The following RNF152 variants were observed in gnomAD, a reference collection of about 807,000 sequenced individuals.
RNF152 encodes E3 ubiquitin-protein ligase RNF152.
RNF152 carries 11 observed loss-of-function variants against 12.7 expected under a neutral mutation model. The ratio of observed to expected loss-of-function variants is 0.86; its 90% CI spans 0.54 to 1.43. The LOEUF (loss-of-function observed/expected upper bound fraction) is 1.43, where lower values mean the gene tolerates loss of function less well. RNF152 is among the 40% of genes most tolerant of loss of function. The pLI is 0.00. For missense variants in RNF152, 255 were observed against 274.8 expected (o/e 0.93, Z 0.51); for synonymous variants, 113 against 120.3 (o/e 0.94, Z 0.40).
chr18:61,816,056 A>T lies in RNF152; in HGVS notation c.408T>A (p.Pro136=). 1 of 1,614,190 alleles carries T rather than the reference A, an allele frequency of 6.2e-7. No individual in the cohort carries two copies. Among genetic ancestry groups the T allele is most frequent in the Non-Finnish European group, 8.5e-7 (1 of 1,180,028 alleles). ...CACCTTGCAGAGGCTGCTGTTCAGC[A>T]GGGATGGTCACCACGGTGACGGACT... ...QQKSVTVVTI[P]AEQQPLQGGA... The change falls in exon 2 of 2, where the codon CCT becomes CCA. Residue 136 remains proline, a synonymous_variant. Coordinates refer to ENST00000312828, the MANE Select transcript of RNF152 (RefSeq NM_173557.3).
intron 1 of RNF152, among the ~76,000 whole-genome samples, chr18:61,883,484 C>T (rs1427490783): frequency 6.6e-6 from 1 of 152,176 alleles, no homozygotes; most frequent in Non-Finnish European, 1.5e-5. Context: ...GCCCCGCTTG[C>T]TCCTCTCTTG....
intron 1 of RNF152, among the ~76,000 whole-genome samples, chr18:61,831,515 A>T (rs751428046): frequency 1.1e-4 from 17 of 152,176 alleles, no homozygotes; most frequent in Non-Finnish European, 2.5e-4. Context: ...CCATAATAAG[A>T]ATATTCAACT....
At chr18:61,851,555 G>A (rs912914843) in intron 1 of RNF152, among the ~76,000 whole-genome samples, 3 of 152,150 alleles carry the variant, frequency 2.0e-5, no homozygotes, top group African/African-American at 7.2e-5. Flanking sequence ...TTCTACAGAT[G>A]AGGAAATGGA....
intron 1 of RNF152, among the ~76,000 whole-genome samples, chr18:61,829,684 C>G (rs914474165): frequency 6.6e-6 from 1 of 151,846 alleles, no homozygotes; most frequent in African/African-American, 2.4e-5. Context: ...GAGCAGGATG[C>G]GGTCCAAACC....
intron 1 of RNF152, among the ~76,000 whole-genome samples, chr18:61,848,312 A>G (rs1910825057): frequency 6.6e-6 from 1 of 152,194 alleles, no homozygotes; most frequent in Non-Finnish European, 1.5e-5. Context: ...TTTGCAAGAT[A>G]TCAGTGCTTC....
chr18:61,834,674 AGG>A (rs1910099444), intron 1 of RNF152, among the ~76,000 whole-genome samples: 2 of 120,062 alleles, frequency 1.7e-5, no homozygotes, highest in Admixed American at 1.7e-4. Context: ...AACTGAAATT[AGG>A]CCATTTTTAA....
intron 1 of RNF152, among the ~76,000 whole-genome samples, chr18:61,821,061 A>T (rs1483888100): frequency 6.6e-6 from 1 of 152,222 alleles, no homozygotes; most frequent in East Asian, 1.9e-4. Context: ...CTCTGCACTG[A>T]GGCACATATC....
intron 1 of RNF152, among the ~76,000 whole-genome samples, chr18:61,836,995 A>G (rs144114450): frequency 6.6e-6 from 1 of 152,364 alleles, no homozygotes; most frequent in Non-Finnish European, 1.5e-5. Context: ...AAAGAGAGTT[A>G]TCTTTACAGA....
intron 1 of RNF152, among the ~76,000 whole-genome samples, chr18:61,854,958 A>C (rs562928993): frequency 6.6e-6 from 1 of 152,356 alleles, no homozygotes; most frequent in South Asian, 2.1e-4. Flanking sequence ...ACTGTCTCAA[A>C]TGCTACAAAA....
intron 1 of RNF152, among the ~76,000 whole-genome samples, chr18:61,844,709 T>C (rs1011438233): frequency 6.6e-6 from 1 of 152,184 alleles, no homozygotes; most frequent in Non-Finnish European, 1.5e-5. Flanking sequence ...AGTGTAACCA[T>C]AGCACGGGTC....
intron 1 of RNF152, among the ~76,000 whole-genome samples, chr18:61,849,101 G>T (rs73458440): frequency 6.6e-6 from 1 of 152,114 alleles, no homozygotes; most frequent in Non-Finnish European, 1.5e-5. Context: ...GTGTCAACCC[G>T]TACTATGACT....
chr18:61,876,981 G>A (rs1413904925), intron 1 of RNF152, among the ~76,000 whole-genome samples: 2 of 152,172 alleles, frequency 1.3e-5, no homozygotes, highest in East Asian at 3.8e-4. Flanking sequence ...TGTATTTCCT[G>A]GAGACAGGGA....
At chr18:61,865,414 G>T (rs1911681322) in intron 1 of RNF152, among the ~76,000 whole-genome samples, 1 of 152,166 alleles carries the variant, frequency 6.6e-6, no homozygotes, top group Non-Finnish European at 1.5e-5. Flanking sequence ...GAATTTGAAA[G>T]GAGATTGCTT....
chr18:61,867,423 G>C (rs1355293762), intron 1 of RNF152, among the ~76,000 whole-genome samples: 3 of 151,802 alleles, frequency 2.0e-5, no homozygotes, highest in Non-Finnish European at 1.5e-5. Flanking sequence ...TTGCACTCCA[G>C]CCTGGGCGAC....
intron 1 of RNF152, chr18:61,888,043 T>C (rs1912776371): frequency 6.6e-6 from 1 of 152,218 alleles, no homozygotes; most frequent in South Asian, 2.1e-4. Context: ...CTATGTGATG[T>C]TTGAGTAAGT....
intron 1 of RNF152, among the ~76,000 whole-genome samples, chr18:61,880,637 A>G (rs1912421315): frequency 6.6e-6 from 1 of 152,220 alleles, no homozygotes; most frequent in African/African-American, 2.4e-5. Flanking sequence ...TTTGGTTGTC[A>G]TGAAATACAT....
rs1397151912 is a variant in RNF152 at position 61,835,549 on chromosome 18, T to C, written c.-135-18951A>G. 2.6e-5 allele frequency among the ~76,000 whole-genome samples: 4 copies of C among 152,322 alleles called. No homozygotes were observed. The East Asian group carries it at 7.7e-4, about 29-fold the overall frequency. ...AAAGGCATGGGAGACCTCCTCAATA[T>C]GACTTTTTTGAATTTTTGACTTTTG... On this transcript the variant is annotated intron_variant, in intron 1 of 1. Transcript: ENST00000312828.
At chr18:61,852,462 C>T (rs1911028289) in intron 1 of RNF152, among the ~76,000 whole-genome samples, 1 of 152,220 alleles carries the variant, frequency 6.6e-6, no homozygotes, top group Non-Finnish European at 1.5e-5. Flanking sequence ...CAGCATCGCT[C>T]ATACACTGAT....
chr18:61,881,393 A>C (rs980579335), intron 1 of RNF152, among the ~76,000 whole-genome samples: 8 of 152,240 alleles, frequency 5.3e-5, no homozygotes, highest in African/African-American at 1.7e-4. Context: ...AAAATGAGGG[A>C]TGCAGACTCC....
Sources: allele counts gnomAD v4.1 joint callset (sites outside exome capture counted in the v4.1 genomes callset), GRCh38; gene constraint gnomAD v4.1.1; transcripts MANE v1.5; gene names NCBI Gene and HGNC (gene_info 2026-07-23, HGNC 2026-07-21).